The following NUMA1 variants were observed in gnomAD, a reference collection of about 807,000 sequenced individuals.
NUMA1 encodes the protein nuclear mitotic apparatus protein 1, also known as SP-H antigen.
In NUMA1, 62 loss-of-function variants were observed where a neutral mutation model predicts 237.1. The observed-to-expected ratio is 0.26, with a 90% CI of 0.21 to 0.32. The LOEUF (loss-of-function observed/expected upper bound fraction) is 0.32, where lower values mean the gene tolerates loss of function less well. NUMA1 is among the 10% of genes least tolerant of loss of function. The pLI, the probability that NUMA1 is intolerant of heterozygous loss-of-function variation, is 1.00. For missense variants in NUMA1, 2,533 were observed against 2,666.5 expected, an observed-to-expected ratio of 0.95 and a Z score of 1.10; for synonymous variants, 1,028 against 1,066.1, an observed-to-expected ratio of 0.96 and a Z score of 0.70.
intron 1 of NUMA1, among the ~76,000 whole-genome samples, chr11:72,070,989 C>T (rs1338799552): frequency 2.1e-5 from 3 of 142,806 alleles, no homozygotes; most frequent in Non-Finnish European, 4.7e-5. Flanking sequence ...GTCTCTAGAC[C>T]TGTCTGATGC....
chr11:72,022,290 T>C, intron 7 of NUMA1, 49 bp downstream of exon 7: 1 of 1,271,808 alleles, frequency 7.9e-7, no homozygotes, highest in Non-Finnish European at 1.1e-6. Flanking sequence ...TCAGGTGAGG[T>C]GAAGCATGGG....
At chr11:72,004,520 G>A in intron 24 of NUMA1, 120 bp downstream of exon 24, 1 of 1,277,586 alleles carries the variant, frequency 7.8e-7, no homozygotes. Context: ...CAGGCCCTTG[G>A]AGAGAGGGAA....
intron 2 of NUMA1, chr11:72,041,981 T>C (rs982085388): frequency 6.6e-6 from 1 of 152,446 alleles, no homozygotes; most frequent in Non-Finnish European, 1.5e-5. Context: ...AAATCCCAGC[T>C]GTGCTGCCAG....
At chr11:72,018,124 G>T in intron 12 of NUMA1, 59 bp downstream of exon 12, 1 of 1,239,276 alleles carries the variant, frequency 8.1e-7, no homozygotes, top group Non-Finnish European at 1.2e-6. Context: ...CTCTTGGGGA[G>T]CCTTCCAGAC....
Position 72,049,246 on chromosome 11 carries a change from G to A in NUMA1, c.-32-13271C>T, listed in dbSNP as rs769617445. Among the ~76,000 whole-genome samples the A allele has an allele frequency of 7.2e-5, 11 of 152,108 alleles. No individual in the cohort carries two copies. The East Asian group carries it at 1.7e-3, about 24-fold the overall frequency. ...TAAGAAATGTGAAAGAACCTGAAAC[G>A]CAGGGGGAATACTCTTACTGGAGAC... On this transcript the variant is annotated intron_variant, in intron 2 of 26. Coordinates refer to ENST00000393695, the MANE Select transcript of NUMA1 (RefSeq NM_006185.4).
Position 72,014,303 on chromosome 11 carries a change from G to A in NUMA1, c.3200C>T (p.Ala1067Val). 6.2e-7 allele frequency: 1 copy of A among 1,613,898 alleles called. No individual in the cohort carries two copies. Among genetic ancestry groups the A allele is most frequent in the Non-Finnish European group, 8.5e-7 (1 of 1,180,048 alleles). ...TEKEGKDQEL[A>V]KLRGLEAAQI... ...GGCTGCCTCCAGACCACGAAGCTTG[G>A]CCAACTCCTGGTCCTTGCCTTCCTT... Residue 1067 changes from alanine (A) to valine (V), a missense_variant, in exon 15 of 27, where the codon GCC becomes GTC. This residue lies in a region of NUMA1 where 1,414 missense variants were observed against 1,508.1 expected (regional missense o/e 0.94). Transcript: ENST00000393695. This position sits in a 1 kb window ranked among gnomAD's most constrained non-coding sequence, Gnocchi z 4.6.
At chr11:72,056,652 A>AAAAAAAAAAAAAAAAAAAAAAAAC (rs1565282200) in intron 2 of NUMA1, among the ~76,000 whole-genome samples, 2 of 149,946 alleles carry the variant, frequency 1.3e-5, no homozygotes, top group Non-Finnish European at 1.5e-5. Context: ...AAAAAAAAAA[A>AAAAAAAAAAAAAAAAAAAAAAAAC]AAAAAAAAGG....
Position 72,003,511 on chromosome 11 carries a change from C to G in NUMA1, c.*16G>C, listed in dbSNP as rs192702783. 1,125 of 1,613,014 alleles carry G rather than the reference C, an allele frequency of 7.0e-4. 6 individuals carry two copies. The African/African-American group carries it at 0.014, about 20-fold the overall frequency. On this transcript the variant is annotated 3_prime_UTR_variant, in exon 27 of 27. Transcript: ENST00000393695. ...CATCGGGGACACAGGTGGGGCCACTCACTGGTACTGGCCCTTTAGTGCTTT... is the reference window on the plus strand; with the variant it reads ...CATCGGGGACACAGGTGGGGCCACTGACTGGTACTGGCCCTTTAGTGCTTT...
At chr11:72,011,393 A>C (rs1956152696) in intron 16 of NUMA1, among the ~76,000 whole-genome samples, 1 of 152,210 alleles carries the variant, frequency 6.6e-6, no homozygotes, top group Admixed American at 6.5e-5. Flanking sequence ...GATTGCTGGA[A>C]GACAAGAGCA....
intron 2 of NUMA1, among the ~76,000 whole-genome samples, chr11:72,061,930 C>G (rs1381208489): frequency 6.6e-6 from 1 of 152,090 alleles, no homozygotes; most frequent in Admixed American, 6.6e-5. Flanking sequence ...ACATACACAT[C>G]ACACCACACC....
At position 72,015,614 on chromosome 11, in the gene NUMA1, G is replaced by T; in HGVS notation, c.1889C>A (p.Ala630Asp). The T allele has an allele frequency of 6.2e-7, 1 of 1,613,684 alleles. No homozygotes were observed. The change falls in exon 15 of 27, where the codon GCC becomes GAC. Residue 630 changes from alanine (A) to aspartate (D), a missense_variant. Ala to Asp is a moderately radical substitution (Grantham distance 126). Transcript: ENST00000393695. This position sits in a 1 kb window ranked among gnomAD's most constrained non-coding sequence, Gnocchi z 4.0. ...LQQQLQVANEARDSAQTSVTQ... is the reference protein window; with the variant it reads ...LQQQLQVANEDRDSAQTSVTQ... ...CACTGAGGTCTGGGCACTGTCCCGG[G>T]CTTCATTAGCCACCTGAAGTTGCTG...
chr11:72,008,471 A>C (rs1446713944), intron 20 of NUMA1: 16 of 571,340 alleles, frequency 2.8e-5, no homozygotes, highest in Non-Finnish European at 5.0e-5. Flanking sequence ...GGATGCTTTC[A>C]AGACTCAGCA....
chr11:72,003,699 G>A, intron 26 of NUMA1, 161 bp from the exon 27 acceptor site: 2 of 1,042,282 alleles, frequency 1.9e-6, no homozygotes, highest in Non-Finnish European at 2.9e-6. Context: ...AGCTCTGGGT[G>A]CTCTCCATGA....
At chr11:72,004,543 G>C (rs1197009353) in intron 24 of NUMA1, 97 bp downstream of exon 24, 1 of 1,334,774 alleles carries the variant, frequency 7.5e-7, no homozygotes, top group African/African-American at 1.5e-5. Context: ...AGAGGGGGAA[G>C]TGAGGGAAGG....
Position 72,010,980 on chromosome 11 carries a change from T to C in NUMA1, c.4651-126A>G, listed in dbSNP as rs1956119868. 12 of 836,172 alleles carry C rather than the reference T, an allele frequency of 1.4e-5. No individual in the cohort carries two copies. The South Asian group carries it at 1.7e-4, about 12-fold the overall frequency. 51.8% of individuals were successfully genotyped at this position (836,172 alleles called of 1,614,324 possible). A position where few individuals can be genotyped will look rare whatever the true frequency, so the allele number is the denominator to read the frequency against. The stretch of plus-strand genomic sequence containing the variant: ...GTGTTCCTAGAATAAACTCAGGCCC[T>C]TTCTCTGGCCTCCAATTACGGAACA... On this transcript the variant is annotated intron_variant, in intron 16 of 26. Coordinates refer to ENST00000393695, the MANE Select transcript of NUMA1 (RefSeq NM_006185.4).
chr11:72,048,045 G>A (rs989126406), intron 2 of NUMA1: 4 of 152,078 alleles, frequency 2.6e-5, no homozygotes, highest in African/African-American at 4.8e-5. Context: ...GGTGACCTAC[G>A]TGATCTAGTC....
intron 14 of NUMA1, 73 bp from the exon 15 acceptor site, chr11:72,016,333 A>G (rs1466061169): frequency 1.3e-6 from 2 of 1,589,002 alleles, no homozygotes; most frequent in Non-Finnish European, 1.7e-6. Flanking sequence ...AAATGGAGGA[A>G]CACCAGGAAC....
intron 8 of NUMA1, 49 bp downstream of exon 8, chr11:72,021,155 T>G: frequency 7.1e-7 from 1 of 1,417,262 alleles, no homozygotes; most frequent in Non-Finnish European, 1.0e-6. Context: ...GATCCTAGTA[T>G]TCCCCATTTC....
At chr11:72,069,385 T>G (rs1023055585) in intron 2 of NUMA1, among the ~76,000 whole-genome samples, 2 of 152,184 alleles carry the variant, frequency 1.3e-5, no homozygotes, top group Non-Finnish European at 2.9e-5. Flanking sequence ...CCCAGCATAA[T>G]GCACCCACAC....
Sources: allele counts gnomAD v4.1 joint callset (sites outside exome capture counted in the v4.1 genomes callset), GRCh38; gene constraint gnomAD v4.1.1; regional missense constraint gnomAD v4.1.1; non-coding constraint Gnocchi (gnomAD v3.1); transcripts MANE v1.5; gene names NCBI Gene and HGNC (gene_info 2026-07-23, HGNC 2026-07-21).